TAFA2: variants seen among roughly 807,000 people sequenced by gnomAD.
The protein encoded by TAFA2 is chemokine-like protein TAFA-2.
A neutral mutation model predicts 18.8 loss-of-function variants in TAFA2; 7 were observed. The observed-to-expected ratio is 0.37, with a 90% CI of 0.21 to 0.70. The LOEUF (loss-of-function observed/expected upper bound fraction) is 0.70. TAFA2 is among the 30% of genes least tolerant of loss of function. The probability of loss-of-function intolerance (pLI) is 0.53; values close to 1 mark genes in which losing one functional copy is unlikely to be tolerated. For synonymous variants in TAFA2, 60 were observed against 54.2 expected (o/e 1.11, Z -0.47); for missense variants, 122 against 158.1 (o/e 0.77, Z 1.23).
intron 1 of TAFA2, among the ~76,000 whole-genome samples, chr12:61,883,574 A>G (rs758920459): frequency 3.3e-5 from 5 of 152,196 alleles, no homozygotes; most frequent in Non-Finnish European, 7.3e-5. Flanking sequence ...AAGGAATAAA[A>G]GATTTGTGAG....
At chr12:62,085,042 A>G (rs1333213314) in intron 1 of TAFA2, among the ~76,000 whole-genome samples, 1 of 152,142 alleles carries the variant, frequency 6.6e-6, no homozygotes, top group East Asian at 1.9e-4. Flanking sequence ...AGTGTTTTCT[A>G]TCATCTGTTC....
At chr12:62,009,589 T>C (rs1200633508) in intron 1 of TAFA2, among the ~76,000 whole-genome samples, 1 of 152,218 alleles carries the variant, frequency 6.6e-6, no homozygotes, top group Non-Finnish European at 1.5e-5. Context: ...TTTGGCTTTA[T>C]CAGATATAAA....
intron 1 of TAFA2, among the ~76,000 whole-genome samples, chr12:62,251,718 T>C (rs1298137817): frequency 1.3e-5 from 2 of 152,198 alleles, no homozygotes; most frequent in African/African-American, 2.4e-5. Context: ...TTGTTTCCAA[T>C]AGAGGAAATG....
At chr12:62,117,692 G>A (rs1870019075) in intron 1 of TAFA2, among the ~76,000 whole-genome samples, 1 of 151,930 alleles carries the variant, frequency 6.6e-6, no homozygotes, top group Admixed American at 6.6e-5. Context: ...CCTTTTTTAT[G>A]TGATAGACAC....
intron 1 of TAFA2, among the ~76,000 whole-genome samples, chr12:61,939,480 TAA>T (rs1404146909): frequency 6.6e-6 from 1 of 152,216 alleles, no homozygotes; most frequent in African/African-American, 2.4e-5. Flanking sequence ...AACTTTCTAA[TAA>T]AGTTATTCAA....
At chr12:61,806,739 CT>C (rs1217159949) in intron 2 of TAFA2, among the ~76,000 whole-genome samples, 1 of 152,154 alleles carries the variant, frequency 6.6e-6, no homozygotes, top group Non-Finnish European at 1.5e-5. Context: ...AGATGAGGAA[CT>C]TGTTGGGAAC....
At chr12:62,025,447 T>A (rs964481646) in intron 1 of TAFA2, among the ~76,000 whole-genome samples, 2 of 152,084 alleles carry the variant, frequency 1.3e-5, no homozygotes, top group African/African-American at 4.8e-5. Context: ...AGCAAATAAA[T>A]GAAACTTTTT....
intron 1 of TAFA2, among the ~76,000 whole-genome samples, chr12:62,056,247 T>C (rs181986018): frequency 6.6e-6 from 1 of 152,326 alleles, no homozygotes; most frequent in African/African-American, 2.4e-5. Context: ...AATAGCTTGC[T>C]ACATCGCCAG....
At chr12:61,763,917 C>CT (rs1445246839) in intron 2 of TAFA2, among the ~76,000 whole-genome samples, 2 of 151,628 alleles carry the variant, frequency 1.3e-5, no homozygotes, top group Admixed American at 1.3e-4. Context: ...AATTGGCCCC[C>CT]TTTTTTTTCG....
In TAFA2 at chr12:62,149,416, GCT is replaced by G. The variant is rs140770222; in HGVS notation, c.-2+41841_-2+41842del. Among the ~76,000 whole-genome samples the G allele has an allele frequency of 9.5e-3, 1,450 of 151,934 alleles. 22 individuals are homozygous for G. The highest frequency in any genetic ancestry group is 0.034 in the African/African-American group (1,399 of 41,438). ...GAAATTCAGAAGTGAGGCTCTCCTT[GCT>G]CTCTCTCCCACATTCTGAACCGAAA... On this transcript the variant is annotated intron_variant, in intron 1 of 4. Transcript: ENST00000416284.
chr12:62,214,812 T>C (rs1320193438), intron 1 of TAFA2, among the ~76,000 whole-genome samples: 1 of 152,170 alleles, frequency 6.6e-6, no homozygotes, highest in East Asian at 1.9e-4. Context: ...ATTTCTGTTG[T>C]TTAAGACATC....
chr12:62,059,065 T>G (rs899341666), intron 1 of TAFA2, among the ~76,000 whole-genome samples: 2 of 151,676 alleles, frequency 1.3e-5, no homozygotes, highest in Non-Finnish European at 2.9e-5. Flanking sequence ...ATCACGGCAC[T>G]GCACTCCAGC....
Position 62,094,359 on chromosome 12 carries a change from A to T in TAFA2, c.-2+96900T>A, listed in dbSNP as rs937489842. ...GGAGGTTGGGAAGAGGCGGTGAAGG[A>T]CAAAAGACTACACATTGGGTAGACT... On this transcript the variant is annotated intron_variant, in intron 1 of 4. Coordinates refer to ENST00000416284, the MANE Select transcript of TAFA2 (RefSeq NM_178539.5). Among the ~76,000 whole-genome samples the T allele has an allele frequency of 2.7e-4, 41 of 152,124 alleles. No homozygotes were observed. In the East Asian group the frequency reaches 6.4e-3, roughly 24 times the overall value.
chr12:61,854,918 T>C (rs1873821525), intron 2 of TAFA2, among the ~76,000 whole-genome samples: 1 of 152,090 alleles, frequency 6.6e-6, no homozygotes, highest in South Asian at 2.1e-4. Flanking sequence ...TATCATCATA[T>C]GTAAGAGATG....
intron 2 of TAFA2, among the ~76,000 whole-genome samples, chr12:61,801,660 A>G (rs532440169): frequency 3.9e-5 from 6 of 152,254 alleles, no homozygotes; most frequent in African/African-American, 1.4e-4. Flanking sequence ...AAACTACTAG[A>G]AGAAAGCATC....
intron 2 of TAFA2, among the ~76,000 whole-genome samples, chr12:61,846,225 A>G (rs1873399338): frequency 6.6e-6 from 1 of 152,168 alleles, no homozygotes; most frequent in Non-Finnish European, 1.5e-5. Flanking sequence ...CTGGTATACC[A>G]GACGGATAGA....
At chr12:61,760,741 C>A (rs1464049011) in intron 2 of TAFA2, among the ~76,000 whole-genome samples, 5 of 151,744 alleles carry the variant, frequency 3.3e-5, no homozygotes, top group Non-Finnish European at 7.4e-5. Flanking sequence ...AATATTAGTG[C>A]TTTCCAAATT....
intron 2 of TAFA2, among the ~76,000 whole-genome samples, chr12:61,774,379 T>C (rs774448443): frequency 2.6e-5 from 4 of 151,936 alleles, no homozygotes; most frequent in Non-Finnish European, 5.9e-5. Context: ...TGCACATGCA[T>C]GTTTATAGCA....
At chr12:61,771,699 A>G (rs1195672757) in intron 2 of TAFA2, among the ~76,000 whole-genome samples, 1 of 151,948 alleles carries the variant, frequency 6.6e-6, no homozygotes, top group Non-Finnish European at 1.5e-5. Flanking sequence ...TAGTGACACA[A>G]CCTAGCAAAA....
Sources: gnomAD v4.1 joint callset for allele counts (sites outside exome capture counted in the v4.1 genomes callset) on GRCh38, gnomAD v4.1.1 for gene constraint, MANE v1.5 for transcripts, NCBI Gene and HGNC (gene_info 2026-07-23, HGNC 2026-07-21) for gene names.